Variants in NTM observed in about 807,000 individuals in gnomAD.
NTM encodes neurotrimin, also known as IgLON family member 2.
In NTM, 13 loss-of-function variants were observed where a neutral mutation model predicts 42.1. The observed-to-expected ratio is 0.31, with a 90% CI of 0.20 to 0.49. The LOEUF is 0.49. Among genes scored for constraint, NTM ranks in the 20% least tolerant of loss-of-function variants. The pLI, the probability that NTM is intolerant of heterozygous loss-of-function variation, is 0.99. For missense variants in NTM, 373 were observed against 452.8 expected (o/e 0.82, Z 1.60); for synonymous variants, 187 against 179.2 (o/e 1.04, Z -0.35).
At chr11:131,983,900 G>A (rs1409162265) in intron 2 of NTM, among the ~76,000 whole-genome samples, 1 of 152,204 alleles carries the variant, frequency 6.6e-6, no homozygotes, top group African/African-American at 2.4e-5. Context: ...CAAAGGAAGA[G>A]GACAGAATAT....
At chr11:132,018,953 C>G (rs768936144) in intron 2 of NTM, among the ~76,000 whole-genome samples, 62 of 151,862 alleles carry the variant, frequency 4.1e-4, no homozygotes, top group Admixed American at 6.6e-5. Flanking sequence ...GTGTGTCTTT[C>G]TAGGAATTTT....
At chr11:132,258,333 G>A (rs1405472817) in intron 4 of NTM, among the ~76,000 whole-genome samples, 4 of 152,096 alleles carry the variant, frequency 2.6e-5, no homozygotes, top group African/African-American at 9.7e-5. Context: ...TTTGCCTCAA[G>A]TTCAGAGTGA....
intron 1 of NTM, among the ~76,000 whole-genome samples, chr11:131,890,713 C>T (rs570792028): frequency 5.9e-5 from 9 of 152,242 alleles, no homozygotes; most frequent in Middle Eastern, 3.4e-3. Flanking sequence ...ACGAGCTCCT[C>T]GTGAAAAGCT....
At chr11:131,533,939 G>C (rs1178610603) in intron 1 of NTM, 1 of 152,278 alleles carries the variant, frequency 6.6e-6, no homozygotes, top group Non-Finnish European at 1.5e-5. Context: ...ACCCAGGGAG[G>C]GATCCAGGGA....
chr11:131,755,906 T>C (rs990330704), intron 1 of NTM, among the ~76,000 whole-genome samples: 1 of 152,228 alleles, frequency 6.6e-6, no homozygotes, highest in African/African-American at 2.4e-5. Context: ...GGAGAGGCAA[T>C]AGAAGCATTA....
intron 2 of NTM, among the ~76,000 whole-genome samples, chr11:132,016,431 T>C (rs1486933447): frequency 6.6e-6 from 1 of 151,688 alleles, no homozygotes; most frequent in Non-Finnish European, 1.5e-5. Context: ...AATAGAATCA[T>C]GCAATATGTT....
chr11:132,111,113 GAC>G (rs2063137096), intron 2 of NTM, among the ~76,000 whole-genome samples: 1 of 99,786 alleles, frequency 1.0e-5, no homozygotes, highest in African/African-American at 3.6e-5. Context: ...AAAAAAAAGA[GAC>G]AGAGAGAAAG....
rs529058226 is a variant in NTM at position 131,777,824 on chromosome 11, A to G, written c.83-133740A>G. On this transcript the variant is annotated intron_variant, in intron 1 of 8. Coordinates refer to ENST00000683400, the MANE Select transcript of NTM (RefSeq NM_001352005.2). ...AATGCTTCAGCATACATTTCCATAA[A>G]TAGAAACACTGTAGATTTTACATTA... Among the ~76,000 whole-genome samples the G allele has an allele frequency of 1.2e-4, 19 of 152,336 alleles. No individual in the cohort carries two copies. The East Asian group carries it at 2.9e-3, about 23-fold the overall frequency.
At chr11:131,857,211 T>C (rs1273651655) in intron 1 of NTM, among the ~76,000 whole-genome samples, 1 of 152,204 alleles carries the variant, frequency 6.6e-6, no homozygotes, top group East Asian at 1.9e-4. Context: ...CCTTTACTTG[T>C]CGTTGAAGTC....
At chr11:131,704,207 T>C (rs968331433) in intron 1 of NTM, among the ~76,000 whole-genome samples, 1 of 152,094 alleles carries the variant, frequency 6.6e-6, no homozygotes, top group Non-Finnish European at 1.5e-5. Flanking sequence ...TCCAGGCCCA[T>C]ACCAGGGGAC....
chr11:132,061,119 T>C (rs1480966531), intron 2 of NTM, among the ~76,000 whole-genome samples: 1 of 152,232 alleles, frequency 6.6e-6, no homozygotes, highest in African/African-American at 2.4e-5. Flanking sequence ...CCCATTCTAG[T>C]TGCAATTTTT....
At chr11:131,456,786 G>A (rs1294947654) in intron 1 of NTM, among the ~76,000 whole-genome samples, 1 of 152,176 alleles carries the variant, frequency 6.6e-6, no homozygotes, top group Non-Finnish European at 1.5e-5. Flanking sequence ...TTCCTTTGAG[G>A]TTTACAATTC....
At chr11:131,764,578 C>CTG (rs2084806091) in intron 1 of NTM, among the ~76,000 whole-genome samples, 1 of 152,138 alleles carries the variant, frequency 6.6e-6, no homozygotes, top group Non-Finnish European at 1.5e-5. Context: ...AGCAAATTAC[C>CTG]TAACCTCTGT....
At chr11:131,609,439 G>C (rs1270235919) in intron 1 of NTM, among the ~76,000 whole-genome samples, 1 of 152,198 alleles carries the variant, frequency 6.6e-6, no homozygotes. Flanking sequence ...CTCAGTAGTG[G>C]AAGCTGTGAC....
At chr11:131,440,551 C>G (rs901592533) in intron 1 of NTM, among the ~76,000 whole-genome samples, 2 of 152,006 alleles carry the variant, frequency 1.3e-5, no homozygotes, top group African/African-American at 2.4e-5. Flanking sequence ...CTGCTAGGTC[C>G]CTGCCCCTTC....
At chr11:132,074,006 A>G (rs2058043800) in intron 2 of NTM, among the ~76,000 whole-genome samples, 1 of 152,176 alleles carries the variant, frequency 6.6e-6, no homozygotes, top group Admixed American at 6.5e-5. Context: ...GGCTGCTCTC[A>G]CAGTGGCAGT....
chr11:131,952,146 G>T (rs919800530), intron 2 of NTM, among the ~76,000 whole-genome samples: 1 of 151,872 alleles, frequency 6.6e-6, no homozygotes, highest in Admixed American at 6.6e-5. Context: ...CAGCCTAAAT[G>T]TCCCTATCCT....
At chr11:132,223,324 G>A (rs1378500271) in intron 4 of NTM, among the ~76,000 whole-genome samples, 6 of 152,134 alleles carry the variant, frequency 3.9e-5, no homozygotes, top group African/African-American at 1.2e-4. Flanking sequence ...ATTGCTTTAG[G>A]GTAAGAGGCA....
chr11:131,539,801 C>T (rs999702197), intron 1 of NTM, among the ~76,000 whole-genome samples: 2 of 152,154 alleles, frequency 1.3e-5, no homozygotes, highest in African/African-American at 4.8e-5. Flanking sequence ...CAGTGCACTG[C>T]AGGAGGTTGA....
Sources: gnomAD v4.1 joint callset for allele counts (sites outside exome capture counted in the v4.1 genomes callset) on GRCh38, gnomAD v4.1.1 for gene constraint, MANE v1.5 for transcripts, NCBI Gene and HGNC (gene_info 2026-07-23, HGNC 2026-07-21) for gene names.